Variants in PRKG1 observed in about 807,000 individuals in gnomAD.
The protein encoded by PRKG1 is cGMP-dependent protein kinase 1.
PRKG1 carries 35 observed loss-of-function variants against 88.1 expected under a neutral mutation model. The observed-to-expected ratio is 0.40, with a 90% confidence interval of 0.30 to 0.53. The LOEUF (loss-of-function observed/expected upper bound fraction) is 0.53, where lower values mean the gene tolerates loss of function less well. Ranked by LOEUF, PRKG1 falls within the 20% of genes least tolerant of loss-of-function variation. PRKG1 has a pLI of 0.59. For missense variants in PRKG1, 540 were observed against 839.8 expected, an observed-to-expected ratio of 0.64 and a Z score of 4.41; for synonymous variants, 303 against 292.5, an observed-to-expected ratio of 1.04 and a Z score of -0.37.
chr10:51,920,757 C>T (rs1842446873), intron 5 of PRKG1, among the ~76,000 whole-genome samples: 2 of 152,072 alleles, frequency 1.3e-5, no homozygotes, highest in African/African-American at 4.8e-5. Context: ...ATACCTACCT[C>T]ATAGAACTGT....
chr10:51,390,648 TTTC>T (rs1325283526), intron 2 of PRKG1, among the ~76,000 whole-genome samples: 1 of 152,222 alleles, frequency 6.6e-6, no homozygotes, highest in Non-Finnish European at 1.5e-5. Flanking sequence ...TGGTATTTAC[TTTC>T]TTAAGGTGAG....
intron 3 of PRKG1, among the ~76,000 whole-genome samples, chr10:51,574,231 A>C (rs180895657): frequency 5.9e-5 from 9 of 152,084 alleles, no homozygotes. Context: ...TTACATCTTC[A>C]TCTTAGTGAA....
At chr10:51,250,050 G>C (rs77590175) in intron 2 of PRKG1, among the ~76,000 whole-genome samples, 4,722 of 151,800 alleles carry the variant, frequency 0.031, 96 homozygotes, top group Non-Finnish European at 0.052. Context: ...AAGTCTTACT[G>C]ACATCATGAG....
At chr10:52,286,162 A>G (rs1842111680) in intron 14 of PRKG1, among the ~76,000 whole-genome samples, 1 of 152,068 alleles carries the variant, frequency 6.6e-6, no homozygotes, top group African/African-American at 2.4e-5. Flanking sequence ...TTAATAAGGA[A>G]TAGTCTTATT....
intron 2 of PRKG1, among the ~76,000 whole-genome samples, chr10:51,329,979 A>T (rs191083424): frequency 4.2e-4 from 60 of 141,256 alleles, no homozygotes; most frequent in African/African-American, 1.6e-3. Context: ...TTGGCCTTGT[A>T]CTTAGATACT....
chr10:51,050,307 T>C (rs1013304787), intron 1 of PRKG1, among the ~76,000 whole-genome samples: 7 of 152,034 alleles, frequency 4.6e-5, no homozygotes, highest in Admixed American at 3.9e-4. Flanking sequence ...ACCCTTTGAC[T>C]AATACCTTCC....
At chr10:51,383,292 A>G (rs1837158992) in intron 2 of PRKG1, among the ~76,000 whole-genome samples, 1 of 152,048 alleles carries the variant, frequency 6.6e-6, no homozygotes, top group Non-Finnish European at 1.5e-5. Flanking sequence ...AAGATCAGGC[A>G]AGTAGAATGA....
chr10:51,294,482 C>CAG (rs1840666584), intron 2 of PRKG1, among the ~76,000 whole-genome samples: 1 of 140,632 alleles, frequency 7.1e-6, no homozygotes, highest in Admixed American at 7.9e-5. Context: ...ATCCTTTCCC[C>CAG]AGTGTGTGTT....
At chr10:51,458,673 G>A (rs1445676366) in intron 2 of PRKG1, among the ~76,000 whole-genome samples, 1 of 152,086 alleles carries the variant, frequency 6.6e-6, no homozygotes, top group African/African-American at 2.4e-5. Context: ...TGTGTATTTT[G>A]TTTCCTTTTT....
At chr10:52,125,892 G>C (rs1847920690) in intron 7 of PRKG1, 1 of 152,056 alleles carries the variant, frequency 6.6e-6, no homozygotes, top group African/African-American at 2.4e-5. Flanking sequence ...TGCACTTTGG[G>C]ACAGTGATGT....
intron 3 of PRKG1, among the ~76,000 whole-genome samples, chr10:51,630,624 A>G (rs974241403): frequency 2.0e-5 from 3 of 152,214 alleles, no homozygotes; most frequent in Non-Finnish European, 2.9e-5. Flanking sequence ...CTTATTGTCA[A>G]TATTGGTAGG....
intron 2 of PRKG1, among the ~76,000 whole-genome samples, chr10:51,218,566 TG>T (rs978946608): frequency 2.0e-4 from 29 of 145,044 alleles, no homozygotes; most frequent in Non-Finnish European, 2.4e-4. Flanking sequence ...TATATGTATT[TG>T]GCATATATAT....
intron 8 of PRKG1, among the ~76,000 whole-genome samples, chr10:52,137,511 G>A (rs183906763): frequency 1.2e-4 from 18 of 152,056 alleles, no homozygotes; most frequent in African/African-American, 4.3e-4. Context: ...TAGTATCCAC[G>A]GGGGATTGGT....
rs141047999 is a variant in PRKG1 at position 52,224,832 on chromosome 10, T to C, written c.1077-26738T>C. Among the ~76,000 whole-genome samples the C allele has an allele frequency of 1.1e-4, 8 of 75,744 alleles. No individual in the cohort carries two copies. The South Asian group carries it at 2.6e-3, about 25-fold the overall frequency. The allele number at this position is 75,744 out of a possible 152,430, so 49.7% of individuals were successfully genotyped here. On this transcript the variant is annotated intron_variant, in intron 9 of 17. Coordinates refer to ENST00000373980, the MANE Select transcript of PRKG1 (RefSeq NM_006258.4). ...TCATATATATATATATATATATATA[T>C]ATATATACATACATACATACATATC...
At chr10:51,543,649 G>A (rs1396595709) in intron 3 of PRKG1, among the ~76,000 whole-genome samples, 1 of 152,168 alleles carries the variant, frequency 6.6e-6, no homozygotes, top group Admixed American at 6.6e-5. Flanking sequence ...TACCATTTGA[G>A]GTCTCAGTGA....
intron 5 of PRKG1, among the ~76,000 whole-genome samples, chr10:51,939,646 T>C (rs1842864506): frequency 6.6e-6 from 1 of 151,914 alleles, no homozygotes; most frequent in African/African-American, 2.4e-5. Context: ...GTCCTTAACA[T>C]GCTTTAACTT....
chr10:51,302,459 A>C (rs1182763089), intron 2 of PRKG1: 1 of 152,162 alleles, frequency 6.6e-6, no homozygotes, highest in East Asian at 1.9e-4. Flanking sequence ...ATTGAGACCT[A>C]ATAATAGCCT....
chr10:51,758,726 C>T (rs973248743), intron 3 of PRKG1, among the ~76,000 whole-genome samples: 5 of 152,030 alleles, frequency 3.3e-5, no homozygotes, highest in Admixed American at 6.5e-5. Context: ...ATGTGCAGAA[C>T]GTGCAGGTTT....
At chr10:51,537,857 C>T (rs529209896) in intron 3 of PRKG1, among the ~76,000 whole-genome samples, 10 of 151,974 alleles carry the variant, frequency 6.6e-5, no homozygotes, top group African/African-American at 2.2e-4. Context: ...TAAATCTCTT[C>T]GGGTAACAAA....
Sources: allele counts gnomAD v4.1 joint callset (sites outside exome capture counted in the v4.1 genomes callset), GRCh38; gene constraint gnomAD v4.1.1; transcripts MANE v1.5; gene names NCBI Gene and HGNC (gene_info 2026-07-23, HGNC 2026-07-21).